GCLC: variants seen among roughly 807,000 people sequenced by gnomAD.
GCLC encodes the protein glutamate-cysteine ligase catalytic subunit.
Under a neutral mutation model 81.5 loss-of-function variants are expected in GCLC, and 30 were observed. That is an observed-to-expected ratio of 0.37 (90% CI 0.28 to 0.50). The LOEUF is 0.50. Ranked by LOEUF, GCLC falls within the 20% of genes least tolerant of loss-of-function variation. GCLC has a pLI of 0.96. For synonymous variants in GCLC, 262 were observed against 273.3 expected, an observed-to-expected ratio of 0.96 and a Z score of 0.41; for missense variants, 556 against 777.4, an observed-to-expected ratio of 0.72 and a Z score of 3.39.
intron 12 of GCLC, among the ~76,000 whole-genome samples, chr6:53,503,561 G>A (rs377538297): frequency 3.9e-5 from 6 of 152,228 alleles, no homozygotes; most frequent in African/African-American, 1.4e-4. Flanking sequence ...TTTCCATCTA[G>A]CATTTAATGT....
At chr6:53,539,210 G>GC (rs1273440957) in intron 1 of GCLC, among the ~76,000 whole-genome samples, 1 of 152,180 alleles carries the variant, frequency 6.6e-6, no homozygotes, top group Non-Finnish European at 1.5e-5. Context: ...TTCTCAGCAG[G>GC]CAACAGGGCA....
At chr6:53,522,766 T>C in intron 1 of GCLC, 1 of 395,122 alleles carries the variant, frequency 2.5e-6, no homozygotes, top group South Asian at 2.8e-5. Context: ...CTTAATATCC[T>C]ATGGAAAGGT....
chr6:53,544,470 C>A (rs746084068), intron 1 of GCLC, 26 bp downstream of exon 1: 2 of 1,602,682 alleles, frequency 1.2e-6, no homozygotes, highest in Non-Finnish European at 1.7e-6. Flanking sequence ...GGGTGCCCGG[C>A]GGGGACGGGG....
chr6:53,531,911 C>G (rs1763177458), intron 1 of GCLC, among the ~76,000 whole-genome samples: 1 of 152,166 alleles, frequency 6.6e-6, no homozygotes, highest in African/African-American at 2.4e-5. Context: ...AAGAGAAAAC[C>G]CAATGTCCCT....
chr6:53,534,598 A>G (rs1561951274), intron 1 of GCLC, among the ~76,000 whole-genome samples: 1 of 152,096 alleles, frequency 6.6e-6, no homozygotes, highest in Non-Finnish European at 1.5e-5. Flanking sequence ...GGGCCCTACA[A>G]TTGCCCCCAC....
Position 53,500,660 on chromosome 6 carries a change from T to A in GCLC, c.1396-147A>T, listed in dbSNP as rs1030646226. ...ATGCTTCCCAGTGGGAGGAACAGGC[T>A]TTTTATTTATGTGAGGACTGTATCA... On this transcript the variant is annotated intron_variant, in intron 12 of 15. Transcript: ENST00000650454. 1.0e-5 allele frequency: 7 copies of A among 692,586 alleles called. No individual in the cohort carries two copies. In the Admixed American group the frequency reaches 1.5e-4, roughly 15 times the overall value. 42.9% of individuals were successfully genotyped at this position (692,586 alleles called of 1,614,324 possible). A position where few individuals can be genotyped will look rare whatever the true frequency, so the allele number is the denominator to read the frequency against.
At position 53,544,856 on chromosome 6, in the gene GCLC, G is replaced by C. The variant is rs17880023; in HGVS notation, c.-211C>G. 711 of 422,674 alleles carry C rather than the reference G, an allele frequency of 1.7e-3. 3 individuals are homozygous for C. The highest frequency in any genetic ancestry group is 0.013 in the African/African-American group (601 of 47,484). The allele number at this position is 422,674 out of a possible 1,614,324, so 26.2% of individuals were successfully genotyped here. On this transcript the variant is annotated 5_prime_UTR_variant, in exon 1 of 16. Transcript: ENST00000650454. ...CCAGGTGACAGACCCTGGGTCCGAC[G>C]CACCGCGCGGAGGCGAAGGCAGAAG...
At position 53,500,239 on chromosome 6, in the gene GCLC, C is replaced by G. The variant is rs1434761493; in HGVS notation, c.1581+8G>C. ...AGTGAGGGGTACTGTACAGGGCCAC[C>G]CTCCTACCTTCCCATTGATGATGGT... On this transcript the variant is annotated splice_region_variant and intron_variant, in intron 14 of 15. Transcript: ENST00000650454. 2 of 1,613,282 alleles carry G rather than the reference C, an allele frequency of 1.2e-6. No individual in the cohort carries two copies. The highest frequency in any genetic ancestry group is 1.7e-6 in the Non-Finnish European group (2 of 1,179,234).
At chr6:53,541,676 T>C (rs184055381) in intron 1 of GCLC, among the ~76,000 whole-genome samples, 36 of 152,196 alleles carry the variant, frequency 2.4e-4, no homozygotes, top group Non-Finnish European at 8.8e-5. Flanking sequence ...ACAGAAAGGA[T>C]AGATCATAAA....
chr6:53,532,951 C>A (rs1202992357), intron 1 of GCLC, among the ~76,000 whole-genome samples: 1 of 152,176 alleles, frequency 6.6e-6, no homozygotes, highest in East Asian at 1.9e-4. Context: ...CAGAGTAGAA[C>A]CTTAGTCATA....
At chr6:53,523,596 T>G (rs777346412) in intron 1 of GCLC, among the ~76,000 whole-genome samples, 1 of 152,188 alleles carries the variant, frequency 6.6e-6, no homozygotes, top group African/African-American at 2.4e-5. Flanking sequence ...CTTAAAACAA[T>G]ACCCAGAAGC....
At position 53,498,478 on chromosome 6, in the gene GCLC, C is replaced by T. The variant is rs1043760711; in HGVS notation, c.*278G>A. The T allele has an allele frequency of 2.4e-6, 1 of 421,580 alleles. No individual in the cohort carries two copies. The highest frequency in any genetic ancestry group is 2.0e-5 in the African/African-American group (1 of 50,010). The allele number at this position is 421,580 out of a possible 1,614,324, so 26.1% of individuals were successfully genotyped here. On this transcript the variant is annotated 3_prime_UTR_variant, in exon 16 of 16. Transcript: ENST00000650454. ...ACAAAACTGCTTAGACAGTAGGTTGCTCCAGAGTAAGAATTTAAAAATGTA... is the reference window on the plus strand; with the variant it reads ...ACAAAACTGCTTAGACAGTAGGTTGTTCCAGAGTAAGAATTTAAAAATGTA...
chr6:53,515,504 C>T (rs1023100953), intron 4 of GCLC, among the ~76,000 whole-genome samples: 9 of 152,228 alleles, frequency 5.9e-5, no homozygotes, highest in African/African-American at 9.6e-5. Context: ...AAGGAATGAA[C>T]GCTGAGAAGT....
chr6:53,505,326 G>C (rs1764592507), intron 12 of GCLC, 66 bp downstream of exon 12: 1 of 752,198 alleles, frequency 1.3e-6, no homozygotes, highest in African/African-American at 1.7e-5. Flanking sequence ...GAAATAAATA[G>C]CATATATAAA....
intron 1 of GCLC, among the ~76,000 whole-genome samples, chr6:53,533,357 T>C (rs1405796429): frequency 3.9e-5 from 6 of 152,344 alleles, no homozygotes; most frequent in Middle Eastern, 6.8e-3. Context: ...TGTTCAGATA[T>C]GTTGTTGCCA....
chr6:53,519,353 C>G (rs962227618), intron 3 of GCLC, among the ~76,000 whole-genome samples: 10 of 151,956 alleles, frequency 6.6e-5, no homozygotes, highest in Admixed American at 6.5e-4. Flanking sequence ...ACTGCTCCCC[C>G]TCCCTAAGAC....
rs183420901 is a variant in GCLC at position 53,544,871 on chromosome 6, G to T, written c.-226C>A. ...TGGGTCCGACGCACCGCGCGGAGGCGAAGGCAGAAGACCGAGAGCAGGCGG... is the reference window on the plus strand; with the variant it reads ...TGGGTCCGACGCACCGCGCGGAGGCTAAGGCAGAAGACCGAGAGCAGGCGG... On this transcript the variant is annotated 5_prime_UTR_variant, in exon 1 of 16. Transcript: ENST00000650454. The T allele has an allele frequency of 2.2e-4, 85 of 393,636 alleles. No individual in the cohort carries two copies. The highest frequency in any genetic ancestry group is 1.6e-3 in the African/African-American group (74 of 46,976). The allele number at this position is 393,636 out of a possible 1,614,324, so 24.4% of individuals were successfully genotyped here.
At chr6:53,539,461 C>T (rs1257251413) in intron 1 of GCLC, among the ~76,000 whole-genome samples, 1 of 152,100 alleles carries the variant, frequency 6.6e-6, no homozygotes, top group Non-Finnish European at 1.5e-5. Flanking sequence ...TCCACTTCAG[C>T]CTTGGATGAG....
rs1482265786 is a variant in GCLC at position 53,497,915 on chromosome 6, GAGA to G, written c.*838_*840del. 2.0e-5 allele frequency: 3 copies of G among 152,250 alleles called. No homozygotes were observed. The highest frequency in any genetic ancestry group is 6.6e-5 in the Admixed American group (1 of 15,228). The allele number at this position is 152,250 out of a possible 1,614,324, so 9.4% of individuals were successfully genotyped here. The stretch of plus-strand genomic sequence containing the variant: ...CAGCAATCAGAATAACAGGCCACAA[GAGA>G]AGAACGCCATTTTTGACAATATCCT... On this transcript the variant is annotated 3_prime_UTR_variant, in exon 16 of 16. Transcript: ENST00000650454.
Sources: gnomAD v4.1 joint callset for allele counts (sites outside exome capture counted in the v4.1 genomes callset) on GRCh38, gnomAD v4.1.1 for gene constraint, MANE v1.5 for transcripts, NCBI Gene and HGNC (gene_info 2026-07-23, HGNC 2026-07-21) for gene names.